NCMAP: variants seen among roughly 807,000 people sequenced by gnomAD.
NCMAP encodes the protein non-compact myelin associated protein.
Under a neutral mutation model 7.8 loss-of-function variants are expected in NCMAP, and 8 were observed. The ratio of observed to expected loss-of-function variants is 1.02; its 90% CI spans 0.60 to 1.84. The LOEUF (loss-of-function observed/expected upper bound fraction) is 1.84. NCMAP is among the 40% of genes most tolerant of loss of function. The pLI is 0.00. For missense variants in NCMAP, 112 were observed against 131.4 expected (o/e 0.85, Z 0.72); for synonymous variants, 41 against 52.9 (o/e 0.78, Z 0.98).
intron 1 of NCMAP, among the ~76,000 whole-genome samples, chr1:24,566,060 C>A (rs571157383): frequency 6.6e-6 from 1 of 152,164 alleles, no homozygotes; most frequent in Non-Finnish European, 1.5e-5. Context: ...CTTCTCCTTC[C>A]TCCATGACTG....
intron 1 of NCMAP, among the ~76,000 whole-genome samples, chr1:24,561,178 CA>C (rs755072214): frequency 3.7e-3 from 387 of 103,854 alleles, no homozygotes; most frequent in East Asian, 0.019. Flanking sequence ...ACTAAAAATA[CA>C]AAAAAAAAAA....
chr1:24,595,053 T>C (rs1652172953), intron 1 of NCMAP, among the ~76,000 whole-genome samples: 1 of 152,172 alleles, frequency 6.6e-6, no homozygotes, highest in Non-Finnish European at 1.5e-5. Flanking sequence ...TTGACATCTT[T>C]GGTTAAATTC....
chr1:24,567,401 A>T (rs1651259647), intron 1 of NCMAP, among the ~76,000 whole-genome samples: 1 of 152,082 alleles, frequency 6.6e-6, no homozygotes, highest in African/African-American at 2.4e-5. Context: ...ATAGGAGGAG[A>T]GGCTTTGGGC....
chr1:24,606,058 TAGAC>T lies in NCMAP; in HGVS notation c.*315_*318del, dbSNP rs1652715620. On this transcript the variant is annotated 3_prime_UTR_variant, in exon 4 of 4. Transcript: ENST00000374392. ...TTCCCCCACACTGTAGTTAGACAGA[TAGAC>T]AGATAGCCCAGGAGCCAGGTGTCAG... The T allele has an allele frequency of 3.5e-6, 1 of 288,906 alleles. No individual in the cohort carries two copies. Among genetic ancestry groups the T allele is most frequent in the East Asian group, 6.4e-5 (1 of 15,692 alleles). The allele number at this position is 288,906 out of a possible 1,614,324, so 17.9% of individuals were successfully genotyped here. A position where few individuals can be genotyped will look rare whatever the true frequency, so the allele number is the denominator to read the frequency against.
At chr1:24,583,972 G>A (rs1651809179) in intron 1 of NCMAP, among the ~76,000 whole-genome samples, 1 of 152,208 alleles carries the variant, frequency 6.6e-6, no homozygotes, top group African/African-American at 2.4e-5. Flanking sequence ...CTGCCTCGCT[G>A]TGTGGATTGA....
chr1:24,589,360 A>G (rs1163925266), intron 1 of NCMAP: 1 of 152,080 alleles, frequency 6.6e-6, no homozygotes, highest in East Asian at 1.9e-4. Flanking sequence ...CACACATGAA[A>G]ACACCCACAT....
At chr1:24,582,199 G>C (rs1418089743) in intron 1 of NCMAP, among the ~76,000 whole-genome samples, 1 of 152,140 alleles carries the variant, frequency 6.6e-6, no homozygotes, top group East Asian at 1.9e-4. Context: ...AGTGCCTCCC[G>C]TGGTGCTTGG....
At chr1:24,601,839 G>A (rs1652503521) in intron 3 of NCMAP, among the ~76,000 whole-genome samples, 1 of 152,216 alleles carries the variant, frequency 6.6e-6, no homozygotes, top group Non-Finnish European at 1.5e-5. Flanking sequence ...AGGAGATGGA[G>A]ACCATCCTGG....
rs770495395 is a variant in NCMAP, at chr1:24,586,480, C to T, written c.-7-8944C>T. Among the ~76,000 whole-genome samples, 15 of 152,252 alleles carry T rather than the reference C, an allele frequency of 9.9e-5. No individual in the cohort carries two copies. In the East Asian group the frequency reaches 1.2e-3, roughly 12 times the overall value. ...CTTTGCAGTTTATAAAGTTCCTTCA[C>T]GGCTGGGCACGGTGGCTCACGCCTG... is the stretch of plus-strand genomic sequence containing the variant. On this transcript the variant is annotated intron_variant, in intron 1 of 3. Transcript: ENST00000374392.
At chr1:24,561,769 G>C (rs531543912) in intron 1 of NCMAP, among the ~76,000 whole-genome samples, 172 of 152,276 alleles carry the variant, frequency 1.1e-3, no homozygotes, top group Non-Finnish European at 1.9e-3. Context: ...AATTAGCCAG[G>C]TGTGGTGGTA....
At chr1:24,595,097 G>A (rs1233658369) in intron 1 of NCMAP, among the ~76,000 whole-genome samples, 1 of 152,122 alleles carries the variant, frequency 6.6e-6, no homozygotes, top group Non-Finnish European at 1.5e-5. Flanking sequence ...GGTAGCTTTG[G>A]GGACTTTGAT....
intron 3 of NCMAP, among the ~76,000 whole-genome samples, chr1:24,602,878 A>G (rs1294095194): frequency 6.6e-6 from 1 of 151,722 alleles, no homozygotes; most frequent in Non-Finnish European, 1.5e-5. Flanking sequence ...ATCTCTACTG[A>G]AAATACAAAA....
In NCMAP at chr1:24,581,536, T is replaced by C. The variant is rs553800738; in HGVS notation, c.-7-13888T>C. Among the ~76,000 whole-genome samples, 37 of 152,348 alleles carry C rather than the reference T, an allele frequency of 2.4e-4. No homozygotes were observed. In the South Asian group the frequency reaches 5.0e-3, roughly 20 times the overall value. ...CAGGCAGGAAATTCATTGTGTTCAG[T>C]AGCCTAGAGAAACCACCCTAAGTTA... On this transcript the variant is annotated intron_variant, in intron 1 of 3. Transcript: ENST00000374392.
intron 1 of NCMAP, among the ~76,000 whole-genome samples, chr1:24,580,399 G>T (rs1344804264): frequency 1.3e-5 from 2 of 152,154 alleles, no homozygotes; most frequent in Non-Finnish European, 2.9e-5. Context: ...TGGTGAGGAC[G>T]GAGGGAAGGG....
At chr1:24,559,030 A>G (rs1453896645) in intron 1 of NCMAP, among the ~76,000 whole-genome samples, 1 of 152,242 alleles carries the variant, frequency 6.6e-6, no homozygotes, top group African/African-American at 2.4e-5. Flanking sequence ...CCTGACTTTT[A>G]AAAAGATATA....
chr1:24,593,542 T>C (rs931225582), intron 1 of NCMAP, among the ~76,000 whole-genome samples: 2 of 152,144 alleles, frequency 1.3e-5, no homozygotes, highest in African/African-American at 4.8e-5. Context: ...TGTAAACATT[T>C]GCTAAATGTG....
At chr1:24,589,431 G>T (rs996690259) in intron 1 of NCMAP, 1 of 152,376 alleles carries the variant, frequency 6.6e-6, no homozygotes, top group Non-Finnish European at 1.5e-5. Flanking sequence ...CAGGGACAGA[G>T]ATGCAATTGA....
intron 1 of NCMAP, among the ~76,000 whole-genome samples, chr1:24,578,598 T>C (rs1301245121): frequency 6.7e-6 from 1 of 149,350 alleles, no homozygotes; most frequent in Non-Finnish European, 1.5e-5. Flanking sequence ...TTTCTTGCTC[T>C]GTCTCCCAGG....
intron 2 of NCMAP, among the ~76,000 whole-genome samples, chr1:24,599,571 G>A (rs1207705320): frequency 2.6e-5 from 4 of 152,024 alleles, no homozygotes; most frequent in Admixed American, 6.6e-5. Context: ...TGTGAAACAT[G>A]GCTCCTTTTT....
Sources: gnomAD v4.1 joint callset for allele counts (sites outside exome capture counted in the v4.1 genomes callset) on GRCh38, gnomAD v4.1.1 for gene constraint, MANE v1.5 for transcripts, NCBI Gene and HGNC (gene_info 2026-07-23, HGNC 2026-07-21) for gene names.